The following PLA2G2C variants were observed in gnomAD, a reference collection of about 807,000 sequenced individuals.
The protein encoded by PLA2G2C is phospholipase A2 group IIC.
In PLA2G2C, 15 loss-of-function variants were observed where a neutral mutation model predicts 14.3. The observed-to-expected ratio is 1.05, with a 90% CI of 0.70 to 1.62. The LOEUF is 1.62. Among genes scored for constraint, PLA2G2C ranks in the 40% most tolerant of loss-of-function variants. PLA2G2C has a pLI of 0.00. For synonymous variants in PLA2G2C, 79 were observed against 67.7 expected (o/e 1.17, Z -0.82); for missense variants, 162 against 173.2 (o/e 0.94, Z 0.36).
At chr1:20,166,367 C>T (rs2017979514) in intron 4 of PLA2G2C, among the ~76,000 whole-genome samples, 2 of 152,058 alleles carry the variant, frequency 1.3e-5, no homozygotes, top group South Asian at 2.1e-4. Context: ...TCCGGTTTTG[C>T]GGCTCCCGCC....
intron 3 of PLA2G2C, among the ~76,000 whole-genome samples, chr1:20,173,768 G>A (rs1267011799): frequency 6.6e-6 from 1 of 152,224 alleles, no homozygotes; most frequent in Non-Finnish European, 1.5e-5. Flanking sequence ...GGATTCTAAG[G>A]CCTGAAAGGC....
At chr1:20,178,834 A>C (rs1157369091) in intron 1 of PLA2G2C, among the ~76,000 whole-genome samples, 1 of 151,086 alleles carries the variant, frequency 6.6e-6, no homozygotes, top group Non-Finnish European at 1.5e-5. Flanking sequence ...GGCTAGAGAG[A>C]CCAAATAGGT....
chr1:20,178,883 C>T (rs2018231692), intron 1 of PLA2G2C, among the ~76,000 whole-genome samples: 1 of 152,208 alleles, frequency 6.6e-6, no homozygotes, highest in Non-Finnish European at 1.5e-5. Context: ...CCCATGTGGG[C>T]TGCAATTCTG....
chr1:20,182,730 C>A (rs2018293733), intron 1 of PLA2G2C, among the ~76,000 whole-genome samples: 1 of 152,210 alleles, frequency 6.6e-6, no homozygotes, highest in South Asian at 2.1e-4. Context: ...TAAAGGTTAT[C>A]CATGATCTCA....
chr1:20,177,192 C>T (rs1485696152), intron 2 of PLA2G2C, 132 bp downstream of exon 2: 4 of 689,530 alleles, frequency 5.8e-6, no homozygotes, highest in South Asian at 3.1e-5. Context: ...GGTGGGAGCC[C>T]GTTCCTTTCC....
chr1:20,177,880 T>C (rs527644906), intron 1 of PLA2G2C, among the ~76,000 whole-genome samples: 2 of 152,208 alleles, frequency 1.3e-5, no homozygotes, highest in Non-Finnish European at 2.9e-5. Flanking sequence ...TGCACCTTGG[T>C]TTCTTCTCTT....
chr1:20,164,150 G>A lies in PLA2G2C; in HGVS notation c.291C>T (p.Cys97=), dbSNP rs2017933902. Reference sequence around the variant, plus strand: ...GGCAGCTGGCACCAGGACCAAGGGTGCATCCACCTACAGAGACACAGAGGG... The same window carrying A: ...GGCAGCTGGCACCAGGACCAAGGGTACATCCACCTACAGAGACACAGAGGG... ...HIVNGAVVCG[C]TLGPGASCHC... The change falls in exon 5 of 5, where the codon TGC becomes TGT. Residue 97 remains cysteine, a synonymous_variant. Coordinates refer to ENST00000679259, the MANE Select transcript of PLA2G2C (RefSeq NM_001367969.2). The A allele has an allele frequency of 6.2e-7, 1 of 1,612,506 alleles. No individual in the cohort carries two copies. Among genetic ancestry groups the A allele is most frequent in the South Asian group, 1.1e-5 (1 of 90,902 alleles).
At chr1:20,185,415 C>A (rs952817402) in intron 1 of PLA2G2C, among the ~76,000 whole-genome samples, 1 of 151,988 alleles carries the variant, frequency 6.6e-6, no homozygotes, top group African/African-American at 2.4e-5. Flanking sequence ...AGATTGATAT[C>A]GAGGGGGAAA....
At chr1:20,165,600 C>A (rs775594083) in intron 4 of PLA2G2C, among the ~76,000 whole-genome samples, 10 of 152,100 alleles carry the variant, frequency 6.6e-5, no homozygotes, top group Admixed American at 6.5e-4. Flanking sequence ...GCACTTTGGC[C>A]GAGTCACCAC....
At chr1:20,184,066 C>G (rs1358524061) in intron 1 of PLA2G2C, among the ~76,000 whole-genome samples, 1 of 152,238 alleles carries the variant, frequency 6.6e-6, no homozygotes, top group Admixed American at 6.5e-5. Context: ...CTGCCTCCCC[C>G]TGGGGCTGGG....
At chr1:20,174,857 T>A in intron 3 of PLA2G2C, 150 bp downstream of exon 3, 1 of 828,368 alleles carries the variant, frequency 1.2e-6, no homozygotes, top group South Asian at 1.9e-5. Flanking sequence ...TCAAGACCCA[T>A]CCTCCAAATC....
chr1:20,164,285 G>T (rs1389068217), intron 4 of PLA2G2C, 128 bp from the exon 5 acceptor site: 15 of 915,156 alleles, frequency 1.6e-5, no homozygotes, highest in Non-Finnish European at 2.4e-5. Flanking sequence ...GCCACTGAAA[G>T]GGATACGTGT....
chr1:20,164,297 T>C, intron 4 of PLA2G2C, 140 bp from the exon 5 acceptor site: 1 of 763,432 alleles, frequency 1.3e-6, no homozygotes, highest in Non-Finnish European at 2.1e-6. Flanking sequence ...GATACGTGTA[T>C]GCATATGTGT....
At chr1:20,174,225 C>G (rs1186705033) in intron 3 of PLA2G2C, among the ~76,000 whole-genome samples, 1 of 152,206 alleles carries the variant, frequency 6.6e-6, no homozygotes, top group Non-Finnish European at 1.5e-5. Context: ...TAAGGCCCCA[C>G]TGTGGGGACA....
chr1:20,174,859 C>T (rs1239036829), intron 3 of PLA2G2C, 148 bp downstream of exon 3: 2 of 855,862 alleles, frequency 2.3e-6, no homozygotes, highest in South Asian at 1.9e-5. Context: ...AAGACCCATC[C>T]TCCAAATCCC....
chr1:20,172,703 A>G (rs1037659015), intron 4 of PLA2G2C, 91 bp downstream of exon 4: 29 of 1,148,418 alleles, frequency 2.5e-5, no homozygotes, highest in Non-Finnish European at 3.4e-5. Flanking sequence ...GAAGCATTTC[A>G]TTTTCTAAAA....
intron 4 of PLA2G2C, among the ~76,000 whole-genome samples, 189 bp downstream of exon 4, chr1:20,172,605 G>A (rs1017217134): frequency 6.6e-6 from 1 of 152,150 alleles, no homozygotes; most frequent in Non-Finnish European, 1.5e-5. Context: ...TCATGGGTGG[G>A]AGAGACCAGG....
At chr1:20,179,578 T>C (rs1187491015) in intron 1 of PLA2G2C, among the ~76,000 whole-genome samples, 1 of 150,936 alleles carries the variant, frequency 6.6e-6, no homozygotes, top group Non-Finnish European at 1.5e-5. Context: ...TCTCCCTCTA[T>C]GCTGGCTTCT....
intron 1 of PLA2G2C, among the ~76,000 whole-genome samples, chr1:20,178,616 TTC>T (rs925063244): frequency 5.3e-5 from 8 of 152,202 alleles, no homozygotes; most frequent in Non-Finnish European, 1.2e-4. Flanking sequence ...TGCTTCCTTT[TTC>T]TCTTTTGAGT....
Sources: gnomAD v4.1 joint callset for allele counts (sites outside exome capture counted in the v4.1 genomes callset) on GRCh38, gnomAD v4.1.1 for gene constraint, MANE v1.5 for transcripts, NCBI Gene and HGNC (gene_info 2026-07-23, HGNC 2026-07-21) for gene names.